The following RPS23 variants were observed in gnomAD, a reference collection of about 807,000 sequenced individuals.
The protein encoded by RPS23 is ribosomal protein S23.
For synonymous variants in RPS23, 66 were observed against 60.4 expected (o/e 1.09, Z -0.43); for missense variants, 73 against 174.5 (o/e 0.42, Z 3.28).
chr5:82,275,409 C>T lies in RPS23; in HGVS notation c.*700G>A, dbSNP rs1747751720. The T allele has an allele frequency of 1.5e-6, 1 of 683,248 alleles. No individual in the cohort carries two copies. Among genetic ancestry groups the T allele is most frequent in the South Asian group, 1.6e-5 (1 of 64,436 alleles). 42.3% of individuals were successfully genotyped at this position (683,248 alleles called of 1,614,324 possible). A position where few individuals can be genotyped will look rare whatever the true frequency, so the allele number is the denominator to read the frequency against. On this transcript the variant is annotated 3_prime_UTR_variant, in exon 4 of 4. Coordinates refer to ENST00000296674, the MANE Select transcript of RPS23 (RefSeq NM_001025.5). ...TAAACCACTTCATTTGCTGACTAGT[C>T]TTTGAAGACATGAAGGTCTCTGACA... is the stretch of plus-strand genomic sequence containing the variant.
At position 82,274,926 on chromosome 5, in the gene RPS23, A is replaced by T. The variant is rs1747739686; in HGVS notation, c.*1183T>A. ...TAGTAAGAGCAGGCGACATGCAAGG[A>T]ACCATAGTAACAGGAACAGAGGTCC... On this transcript the variant is annotated 3_prime_UTR_variant, in exon 4 of 4. Coordinates refer to ENST00000296674, the MANE Select transcript of RPS23 (RefSeq NM_001025.5). 1 of 387,030 alleles carries T rather than the reference A, an allele frequency of 2.6e-6. No individual in the cohort carries two copies. Among genetic ancestry groups the T allele is most frequent in the African/African-American group, 2.0e-5 (1 of 49,446 alleles). 24.0% of individuals were successfully genotyped at this position (387,030 alleles called of 1,614,324 possible). A position where few individuals can be genotyped will look rare whatever the true frequency, so the allele number is the denominator to read the frequency against.
At position 82,274,919 on chromosome 5, in the gene RPS23, T is replaced by C; in HGVS notation, c.*1190A>G. The C allele has an allele frequency of 2.8e-6, 1 of 361,432 alleles. No homozygotes were observed. Among genetic ancestry groups the C allele is most frequent in the Non-Finnish European group, 5.1e-6 (1 of 196,720 alleles). The allele number at this position is 361,432 out of a possible 1,614,324, so 22.4% of individuals were successfully genotyped here. On this transcript the variant is annotated 3_prime_UTR_variant, in exon 4 of 4. Coordinates refer to ENST00000296674, the MANE Select transcript of RPS23 (RefSeq NM_001025.5). ...AGCTCTTTAGTAAGAGCAGGCGACA[T>C]GCAAGGAACCATAGTAACAGGAACA...
At position 82,275,279 on chromosome 5, in the gene RPS23, C is replaced by T. The variant is rs1182860895; in HGVS notation, c.*830G>A. 3.1e-5 allele frequency: 22 copies of T among 702,522 alleles called. No homozygotes were observed. Among genetic ancestry groups the T allele is most frequent in the Non-Finnish European group, 4.4e-5 (17 of 385,014 alleles). 43.5% of individuals were successfully genotyped at this position (702,522 alleles called of 1,614,324 possible). Reference sequence around the variant, plus strand: ...TCACAGCTTCATTTCAACCATGCCACTGTATCCATGAAAACTCTGAAACAA... The same window carrying T: ...TCACAGCTTCATTTCAACCATGCCATTGTATCCATGAAAACTCTGAAACAA... On this transcript the variant is annotated 3_prime_UTR_variant, in exon 4 of 4. Coordinates refer to ENST00000296674, the MANE Select transcript of RPS23 (RefSeq NM_001025.5).
chr5:82,276,577 T>C (rs1747780496), intron 2 of RPS23, 59 bp from the exon 3 acceptor site: 6 of 1,596,322 alleles, frequency 3.8e-6, no homozygotes, highest in South Asian at 2.2e-5. Context: ...TATCTTTTCA[T>C]ATTAACTAGA....
chr5:82,275,771 G>C lies in RPS23; in HGVS notation c.*338C>G. On this transcript the variant is annotated 3_prime_UTR_variant, in exon 4 of 4. Transcript: ENST00000296674. ...GAATAAAAAAGAAAGTATCTCACTA[G>C]AATTTCAGTGAGTTTTTGAAGTTCC... 1 of 270,166 alleles carries C rather than the reference G, an allele frequency of 3.7e-6. No individual in the cohort carries two copies. The highest frequency in any genetic ancestry group is 6.9e-6 in the Non-Finnish European group (1 of 145,020). The allele number at this position is 270,166 out of a possible 1,614,324, so 16.7% of individuals were successfully genotyped here.
In RPS23 at chr5:82,276,050, G is replaced by A; in HGVS notation, c.*59C>T. ...TCGTGGTGAGAACAGGGGACAGTAAGATACAAACATTTTTTGGCATATGAA... is the reference window on the plus strand; with the variant it reads ...TCGTGGTGAGAACAGGGGACAGTAAAATACAAACATTTTTTGGCATATGAA... On this transcript the variant is annotated 3_prime_UTR_variant, in exon 4 of 4. Transcript: ENST00000296674. 1 of 1,503,558 alleles carries A rather than the reference G, an allele frequency of 6.7e-7. No individual in the cohort carries two copies. The highest frequency in any genetic ancestry group is 9.1e-7 in the Non-Finnish European group (1 of 1,098,220). 93.1% of individuals were successfully genotyped at this position (1,503,558 alleles called of 1,614,324 possible).
chr5:82,277,972 T>A (rs751166952), intron 1 of RPS23, 120 bp from the exon 2 acceptor site: 27 of 935,418 alleles, frequency 2.9e-5, no homozygotes, highest in Non-Finnish European at 4.2e-5. Context: ...GTACTATTTA[T>A]TGGCCTGTGG....
Position 82,277,818 on chromosome 5 carries a change from G to A in RPS23, c.39C>T (p.Leu13=), listed in dbSNP as rs1164770202. ...ACTTCTGGTCTCGTCGGTGACTACG[G>A]AGCTTCCTAGCAGTACGAAGTCCAC... ...KCRGLRTARK[L]RSHRRDQKWH... The change falls in exon 2 of 4, where the codon CTC becomes CTT. Residue 13 remains leucine, a synonymous_variant. Coordinates refer to ENST00000296674, the MANE Select transcript of RPS23 (RefSeq NM_001025.5). 3.7e-6 allele frequency: 6 copies of A among 1,613,796 alleles called. No individual in the cohort carries two copies. Among genetic ancestry groups the A allele is most frequent in the East Asian group, 2.2e-5 (1 of 44,890 alleles).
Position 82,276,378 on chromosome 5 carries a change from G to C in RPS23, c.285+20C>G. ...AGGCCACCCCAAGAACAGAAGGTAC[G>C]ATAGAGTTGAAATACTCACCTCAAT... On this transcript the variant is annotated intron_variant, in intron 3 of 3. Transcript: ENST00000296674. 6.2e-7 allele frequency: 1 copy of C among 1,613,792 alleles called. No homozygotes were observed. Among genetic ancestry groups the C allele is most frequent in the Non-Finnish European group, 8.5e-7 (1 of 1,179,770 alleles).
intron 1 of RPS23, chr5:82,278,078 C>G (rs1747981622): frequency 3.0e-6 from 2 of 663,262 alleles, no homozygotes; most frequent in Non-Finnish European, 5.2e-6. Context: ...AGGCCCCGCT[C>G]GAATGCCCGG....
chr5:82,277,178 C>CAAAAAAAAA, intron 2 of RPS23, among the ~76,000 whole-genome samples: 1 of 82,438 alleles, frequency 1.2e-5, no homozygotes, highest in Non-Finnish European at 2.2e-5. Flanking sequence ...TAGACTGTCT[C>CAAAAAAAAA]AAAAAAAAAA....
chr5:82,276,266 A>G lies in RPS23; in HGVS notation c.286-11T>C, dbSNP rs952392818. On this transcript the variant is annotated splice_polypyrimidine_tract_variant and intron_variant, in intron 3 of 3. Coordinates refer to ENST00000296674, the MANE Select transcript of RPS23 (RefSeq NM_001025.5). ...AACTTCATCATTTTCCTGGAATAAA[A>G]TAAGAAGTTTATTTCTGGTGTTGGT... is the stretch of plus-strand genomic sequence containing the variant. 6.2e-7 allele frequency: 1 copy of G among 1,613,524 alleles called. No homozygotes were observed. The highest frequency in any genetic ancestry group is 1.3e-5 in the African/African-American group (1 of 74,954).
At chr5:82,278,008 C>T in intron 1 of RPS23, 156 bp from the exon 2 acceptor site, 1 of 711,110 alleles carries the variant, frequency 1.4e-6, no homozygotes, top group South Asian at 1.9e-5. Flanking sequence ...TTCAAGTTGC[C>T]CTGAACCGAC....
In RPS23 at chr5:82,275,289, G is replaced by A; in HGVS notation, c.*820C>T. Reference sequence around the variant, plus strand: ...ATTTCAACCATGCCACTGTATCCATGAAAACTCTGAAACAAGTATTTGTGG... The same window carrying A: ...ATTTCAACCATGCCACTGTATCCATAAAAACTCTGAAACAAGTATTTGTGG... On this transcript the variant is annotated 3_prime_UTR_variant, in exon 4 of 4. Transcript: ENST00000296674. 1.4e-6 allele frequency: 1 copy of A among 702,608 alleles called. No homozygotes were observed. The allele number at this position is 702,608 out of a possible 1,614,324, so 43.5% of individuals were successfully genotyped here.
At chr5:82,276,544 T>G in intron 2 of RPS23, 26 bp from the exon 3 acceptor site, 3 of 1,611,462 alleles carry the variant, frequency 1.9e-6, no homozygotes, top group Non-Finnish European at 2.5e-6. Flanking sequence ...CACAGCACTG[T>G]GAGCTGGCTT....
chr5:82,273,353 A>G lies in RPS23; in HGVS notation c.*2756T>C, dbSNP rs1052020242. On this transcript the variant is annotated 3_prime_UTR_variant, in exon 4 of 4. Coordinates refer to ENST00000296674, the MANE Select transcript of RPS23 (RefSeq NM_001025.5). The stretch of plus-strand genomic sequence containing the variant: ...GGAAGGGCTTTATTCAGCTGGGAGC[A>G]TCGGCAAGCTACAGCCTTAAAATCT... 2 of 149,468 alleles carry G rather than the reference A, an allele frequency of 1.3e-5. No homozygotes were observed. The highest frequency in any genetic ancestry group is 2.9e-5 in the Non-Finnish European group (2 of 68,026). The allele number at this position is 149,468 out of a possible 1,614,324, so 9.3% of individuals were successfully genotyped here.
chr5:82,276,370 G>C, intron 3 of RPS23, 28 bp downstream of exon 3: 3 of 1,613,782 alleles, frequency 1.9e-6, no homozygotes, highest in Non-Finnish European at 2.5e-6. Flanking sequence ...CCCAAGAACA[G>C]AAGGTACGAT....
rs968755520 is a variant in RPS23, at chr5:82,275,579, A to G, written c.*530T>C. The G allele has an allele frequency of 4.6e-5, 20 of 436,384 alleles. No individual in the cohort carries two copies. Among genetic ancestry groups the G allele is most frequent in the African/African-American group, 3.8e-4 (19 of 50,306 alleles). The allele number at this position is 436,384 out of a possible 1,614,324, so 27.0% of individuals were successfully genotyped here. A position where few individuals can be genotyped will look rare whatever the true frequency, so the allele number is the denominator to read the frequency against. On this transcript the variant is annotated 3_prime_UTR_variant, in exon 4 of 4. Transcript: ENST00000296674. ...GACACATTACAACACAGATCCTGAC[A>G]CCTTTAAATAATAAACAGAGTGGGG...
chr5:82,275,998 G>GGGT lies in RPS23; in HGVS notation c.*108_*110dup, dbSNP rs1747765256. The stretch of plus-strand genomic sequence containing the variant: ...GGTTTAGGATAAAAAAAATAAGGGG[G>GGGT]GGTGGTGGTGGTAATGAACATGATC... On this transcript the variant is annotated 3_prime_UTR_variant, in exon 4 of 4. Coordinates refer to ENST00000296674, the MANE Select transcript of RPS23 (RefSeq NM_001025.5). 2 of 996,348 alleles carry GGGT rather than the reference G, an allele frequency of 2.0e-6. No homozygotes were observed. Among genetic ancestry groups the GGGT allele is most frequent in the African/African-American group, 1.6e-5 (1 of 61,694 alleles). 61.7% of individuals were successfully genotyped at this position (996,348 alleles called of 1,614,324 possible). A position where few individuals can be genotyped will look rare whatever the true frequency, so the allele number is the denominator to read the frequency against.
Sources: allele counts gnomAD v4.1 joint callset (sites outside exome capture counted in the v4.1 genomes callset), GRCh38; gene constraint gnomAD v4.1.1; transcripts MANE v1.5; gene names NCBI Gene and HGNC (gene_info 2026-07-23, HGNC 2026-07-21).